ASTN2: variants seen among roughly 807,000 people sequenced by gnomAD.
ASTN2 encodes the protein astrotactin-2.
In ASTN2, 54 loss-of-function variants were observed where a neutral mutation model predicts 139.8. The observed-to-expected ratio is 0.39, with a 90% confidence interval of 0.31 to 0.48. ASTN2 has a LOEUF of 0.48. Among genes scored for constraint, ASTN2 ranks in the 20% least tolerant of loss-of-function variants. The pLI is 0.95. For synonymous variants in ASTN2, 756 were observed against 719.5 expected, an observed-to-expected ratio of 1.05 and a Z score of -0.81; for missense variants, 1,565 against 1,725.1, an observed-to-expected ratio of 0.91 and a Z score of 1.64.
chr9:116,897,887 A>C (rs530943266), intron 10 of ASTN2, among the ~76,000 whole-genome samples: 2 of 152,312 alleles, frequency 1.3e-5, no homozygotes, highest in South Asian at 2.1e-4. Context: ...TAACTTTTCC[A>C]AAAATCACAT....
intron 3 of ASTN2, among the ~76,000 whole-genome samples, chr9:117,176,177 C>T (rs1199144142): frequency 6.6e-6 from 1 of 151,936 alleles, no homozygotes; most frequent in Non-Finnish European, 1.5e-5. Context: ...TCATATCTTA[C>T]AGAATGGCAA....
intron 10 of ASTN2, among the ~76,000 whole-genome samples, chr9:116,918,530 G>A (rs1366113711): frequency 1.3e-5 from 2 of 152,038 alleles, no homozygotes; most frequent in Admixed American, 6.6e-5. Flanking sequence ...AATCAGATAA[G>A]GGCCAGATTC....
At chr9:117,148,344 G>A (rs1830249356) in intron 3 of ASTN2, among the ~76,000 whole-genome samples, 1 of 152,154 alleles carries the variant, frequency 6.6e-6, no homozygotes, top group Admixed American at 6.5e-5. Context: ...CTAGAACATA[G>A]TAAATGCTCA....
intron 10 of ASTN2, among the ~76,000 whole-genome samples, chr9:116,941,746 A>G (rs550899003): frequency 1.8e-4 from 27 of 152,310 alleles, no homozygotes; most frequent in African/African-American, 5.1e-4. Context: ...TGGAACCAAT[A>G]CTATGAACAA....
intron 19 of ASTN2, among the ~76,000 whole-genome samples, chr9:116,502,978 A>G (rs1470194294): frequency 7.0e-6 from 1 of 142,336 alleles, no homozygotes; most frequent in East Asian, 2.3e-4. Context: ...AAGGGAAGGA[A>G]GGAGAGAGGG....
At chr9:117,022,609 G>A (rs1837917858) in intron 6 of ASTN2, among the ~76,000 whole-genome samples, 1 of 152,064 alleles carries the variant, frequency 6.6e-6, no homozygotes, top group Admixed American at 6.6e-5. Context: ...ACGGGAGGTG[G>A]GGGCAAATTC....
rs73527198 is a variant in ASTN2, at chr9:117,089,028, T to C, written c.1276+7016A>G. 4.1e-3 allele frequency among the ~76,000 whole-genome samples: 622 copies of C among 152,306 alleles called. 6 individuals are homozygous for C. The highest frequency in any genetic ancestry group is 0.014 in the African/African-American group (584 of 41,562). The stretch of plus-strand genomic sequence containing the variant: ...ATTAGCAACGCTTCCCTGTGTGAGT[T>C]TGCACACTCCTTGCCTCCGGAGACT... On this transcript the variant is annotated intron_variant, in intron 5 of 22. Transcript: ENST00000313400.
chr9:116,572,826 G>A (rs1299983120), intron 19 of ASTN2, among the ~76,000 whole-genome samples: 1 of 152,190 alleles, frequency 6.6e-6, no homozygotes, highest in African/African-American at 2.4e-5. Context: ...AAAGAGGGAG[G>A]ACTGAAATGT....
intron 3 of ASTN2, among the ~76,000 whole-genome samples, chr9:117,181,638 A>G (rs1438756891): frequency 6.6e-6 from 1 of 152,138 alleles, no homozygotes; most frequent in Non-Finnish European, 1.5e-5. Flanking sequence ...TAGCTCTACC[A>G]CTTCCTGGTG....
chr9:116,443,701 A>G (rs938576890), intron 20 of ASTN2, among the ~76,000 whole-genome samples: 1 of 152,182 alleles, frequency 6.6e-6, no homozygotes, highest in African/African-American at 2.4e-5. Flanking sequence ...CTTAGAGGCC[A>G]AGAACAGTCT....
intron 3 of ASTN2, among the ~76,000 whole-genome samples, chr9:117,152,558 C>G (rs377357082): frequency 6.6e-6 from 1 of 152,284 alleles, no homozygotes. Flanking sequence ...TATCAAGTTT[C>G]TGCTTTGACC....
At chr9:117,395,791 A>C (rs995566402) in intron 1 of ASTN2, among the ~76,000 whole-genome samples, 1 of 152,250 alleles carries the variant, frequency 6.6e-6, no homozygotes, top group African/African-American at 2.4e-5. Flanking sequence ...GGTGAGGGCA[A>C]AAAGGACTTG....
At chr9:117,047,029 C>T (rs1444527426) in intron 5 of ASTN2, among the ~76,000 whole-genome samples, 1 of 152,180 alleles carries the variant, frequency 6.6e-6, no homozygotes, top group Non-Finnish European at 1.5e-5. Flanking sequence ...ATCAGGGTGA[C>T]CACTGTAGAT....
intron 12 of ASTN2, among the ~76,000 whole-genome samples, chr9:116,815,381 A>G (rs1259220643): frequency 6.6e-6 from 1 of 152,146 alleles, no homozygotes; most frequent in Non-Finnish European, 1.5e-5. Flanking sequence ...CTTTCATTTA[A>G]ATTGGAAGCA....
intron 19 of ASTN2, among the ~76,000 whole-genome samples, chr9:116,500,310 T>C (rs1171793445): frequency 6.6e-6 from 1 of 152,198 alleles, no homozygotes; most frequent in African/African-American, 2.4e-5. Context: ...CACAGCACAA[T>C]GGAAGTGAAA....
chr9:116,522,288 G>A (rs1431002862), intron 19 of ASTN2, among the ~76,000 whole-genome samples: 1 of 152,072 alleles, frequency 6.6e-6, no homozygotes, highest in Non-Finnish European at 1.5e-5. Flanking sequence ...TCAATAAGTG[G>A]ATAAAGAAAA....
At chr9:116,446,515 T>C (rs562899981) in intron 20 of ASTN2, among the ~76,000 whole-genome samples, 5 of 152,250 alleles carry the variant, frequency 3.3e-5, no homozygotes, top group Admixed American at 6.5e-5. Context: ...CACTTGCCAA[T>C]AGATTCATAC....
At position 116,708,289 on chromosome 9, in the gene ASTN2, A is replaced by G. The variant is rs186591790; in HGVS notation, c.2806+17482T>C. ...ATTGCCATGTTAATGCTGAAGTTCT[A>G]TCCAATAAGGCTCCCATATCAAATA... On this transcript the variant is annotated intron_variant, in intron 16 of 22. Transcript: ENST00000313400. 1.7e-3 allele frequency among the ~76,000 whole-genome samples: 252 copies of G among 152,326 alleles called. 1 individual carries two copies. Among genetic ancestry groups the G allele is most frequent in the Non-Finnish European group, 2.6e-3 (178 of 68,026 alleles).
At chr9:116,833,005 T>C (rs971249388) in intron 11 of ASTN2, among the ~76,000 whole-genome samples, 4 of 139,264 alleles carry the variant, frequency 2.9e-5, no homozygotes, top group Admixed American at 1.5e-4. Flanking sequence ...ATTTGGTATA[T>C]TTCTCCAGTG....
Sources: gnomAD v4.1 joint callset for allele counts (sites outside exome capture counted in the v4.1 genomes callset) on GRCh38, gnomAD v4.1.1 for gene constraint, MANE v1.5 for transcripts, NCBI Gene and HGNC (gene_info 2026-07-23, HGNC 2026-07-21) for gene names.